The following CDH4 variants were observed in gnomAD, a reference collection of about 807,000 sequenced individuals.
The protein encoded by CDH4 is cadherin-4.
A neutral mutation model predicts 86.0 loss-of-function variants in CDH4; 33 were observed. The ratio of observed to expected loss-of-function variants is 0.38; its 90% CI spans 0.29 to 0.51. The LOEUF is 0.51. CDH4 is among the 20% of genes least tolerant of loss of function. The pLI is 0.86. For missense variants in CDH4, 1,114 were observed against 1,307.4 expected (o/e 0.85, Z 2.28); for synonymous variants, 555 against 549.4 (o/e 1.01, Z -0.14).
At position 61,934,108 on chromosome 20, in the gene CDH4, G is replaced by A. The variant is rs762296255; in HGVS notation, c.2432G>A (p.Ser811Asn). Reference protein sequence around the residue: ...QQPEAMGHVPSKAPGVRRVDE... With the variant: ...QQPEAMGHVPNKAPGVRRVDE... ...CCGGAAGCCATGGGGCACGTGCCAA[G>A]CAAAGCCCCTGGCGTGCGTCGCGTG... The change falls in exon 15 of 16, where the codon AGC (serine) becomes AAC (asparagine). Residue 811 changes from serine (S) to asparagine (N), a missense_variant. Around this residue, in one of 3 missense-constraint regions of CDH4, gnomAD observed 188 missense variants for 183.8 expected, o/e 1.02. Coordinates refer to ENST00000614565, the MANE Select transcript of CDH4 (RefSeq NM_001794.5). 2.7e-5 allele frequency: 44 copies of A among 1,611,410 alleles called. No homozygotes were observed. Among genetic ancestry groups the A allele is most frequent in the Non-Finnish European group, 3.6e-5 (43 of 1,179,840 alleles).
At chr20:61,651,475 G>T (rs116247275) in intron 2 of CDH4, among the ~76,000 whole-genome samples, 2,718 of 152,290 alleles carry the variant, frequency 0.018, 32 homozygotes, top group African/African-American at 0.031. Flanking sequence ...CCTTATGACC[G>T]GCAGCCTGTT....
chr20:61,647,057 G>A (rs1045101531), intron 2 of CDH4, among the ~76,000 whole-genome samples: 8 of 152,200 alleles, frequency 5.3e-5, no homozygotes, highest in Non-Finnish European at 1.2e-4. Flanking sequence ...GCAAAATTGA[G>A]CACAGGATGC....
At chr20:61,781,382 C>A (rs1216104877) in intron 4 of CDH4, among the ~76,000 whole-genome samples, 1 of 151,686 alleles carries the variant, frequency 6.6e-6, no homozygotes, top group Non-Finnish European at 1.5e-5. Context: ...GTTCAAGGGT[C>A]AGAATAGATG....
chr20:61,907,703 C>T (rs1467893457), intron 8 of CDH4, among the ~76,000 whole-genome samples: 1 of 152,206 alleles, frequency 6.6e-6, no homozygotes, highest in African/African-American at 2.4e-5. Flanking sequence ...GTCAGCGTCT[C>T]CAGGCCTCCC....
At chr20:61,499,199 C>T (rs1475770339) in intron 2 of CDH4, among the ~76,000 whole-genome samples, 3 of 152,196 alleles carry the variant, frequency 2.0e-5, no homozygotes, top group Non-Finnish European at 4.4e-5. Context: ...CTCCTGGAGC[C>T]CTGGTTGCGG....
At chr20:61,796,623 G>T (rs1766123079) in intron 4 of CDH4, among the ~76,000 whole-genome samples, 1 of 152,192 alleles carries the variant, frequency 6.6e-6, no homozygotes, top group Non-Finnish European at 1.5e-5. Flanking sequence ...GGCCACCCCT[G>T]GGGTGTGGTT....
chr20:61,431,079 T>C (rs1191761278), intron 2 of CDH4, among the ~76,000 whole-genome samples: 2 of 152,226 alleles, frequency 1.3e-5, no homozygotes, highest in Admixed American at 6.5e-5. Context: ...GCATGCTGGC[T>C]CTGTGTATGC....
At chr20:61,602,107 GGCTGCTGGCGAT>G (rs1187753147) in intron 2 of CDH4, among the ~76,000 whole-genome samples, 3 of 152,162 alleles carry the variant, frequency 2.0e-5, no homozygotes, top group Non-Finnish European at 4.4e-5. Context: ...CCATACTGGG[GGCTGCTGGCGAT>G]GCTTTCTGGT....
At chr20:61,871,571 T>C (rs573075706) in intron 6 of CDH4, among the ~76,000 whole-genome samples, 1 of 152,194 alleles carries the variant, frequency 6.6e-6, no homozygotes, top group Non-Finnish European at 1.5e-5. Flanking sequence ...ACTTCAGGGT[T>C]TTCCTCTTAG....
intron 3 of CDH4, among the ~76,000 whole-genome samples, chr20:61,745,665 G>C (rs952430855): frequency 1.3e-5 from 2 of 152,102 alleles, no homozygotes; most frequent in Admixed American, 6.5e-5. Context: ...GGTGAGCAAG[G>C]CAGGCCCTTG....
chr20:61,777,718 G>A lies in CDH4; in HGVS notation c.576+4536G>A, dbSNP rs1187436931. Reference sequence around the variant, plus strand: ...TGCATACAAAAACACACACCCACATGCGTGCACACGTGCATACAAAAACAC... The same window carrying A: ...TGCATACAAAAACACACACCCACATACGTGCACACGTGCATACAAAAACAC... On this transcript the variant is annotated intron_variant, in intron 4 of 15. Transcript: ENST00000614565. Among the ~76,000 whole-genome samples, 5 of 143,886 alleles carry A rather than the reference G, an allele frequency of 3.5e-5. 1 individual carries two copies. Among genetic ancestry groups the A allele is most frequent in the Non-Finnish European group, 6.0e-5 (4 of 66,368 alleles). The allele number at this position is 143,886 out of a possible 152,430, so 94.4% of individuals were successfully genotyped here. A position where few individuals can be genotyped will look rare whatever the true frequency, so the allele number is the denominator to read the frequency against.
At chr20:61,900,606 C>G (rs990326856) in intron 8 of CDH4, among the ~76,000 whole-genome samples, 2 of 152,226 alleles carry the variant, frequency 1.3e-5, no homozygotes, top group South Asian at 4.1e-4. Context: ...AAGCCCAAGG[C>G]AGAGACACAC....
chr20:61,271,389 A>G (rs1010784512), intron 2 of CDH4, among the ~76,000 whole-genome samples: 43 of 152,208 alleles, frequency 2.8e-4, no homozygotes, highest in African/African-American at 9.6e-4. Flanking sequence ...AATCCAGCCC[A>G]TTGACAATGG....
intron 2 of CDH4, among the ~76,000 whole-genome samples, chr20:61,376,153 T>C (rs2084871528): frequency 6.9e-6 from 1 of 145,868 alleles, no homozygotes; most frequent in South Asian, 2.2e-4. Flanking sequence ...GCAAATGTGC[T>C]CAAGATGGTG....
chr20:61,854,416 CTG>C, intron 6 of CDH4, among the ~76,000 whole-genome samples: 1 of 151,848 alleles, frequency 6.6e-6, no homozygotes, highest in East Asian at 1.9e-4. Context: ...CACTCTTGGC[CTG>C]CCCCAGGGCT....
chr20:61,430,599 A>G (rs577252780), intron 2 of CDH4, among the ~76,000 whole-genome samples: 129 of 152,248 alleles, frequency 8.5e-4, no homozygotes, highest in Admixed American at 1.5e-3. Flanking sequence ...TTCTGAATCA[A>G]CACTGCAATG....
chr20:61,809,122 C>T (rs548028338), intron 4 of CDH4, among the ~76,000 whole-genome samples: 114 of 152,330 alleles, frequency 7.5e-4, no homozygotes, highest in African/African-American at 2.6e-3. Flanking sequence ...GGACCCAGAC[C>T]TTTGATTGGG....
At chr20:61,465,997 C>T (rs2085469788) in intron 2 of CDH4, among the ~76,000 whole-genome samples, 1 of 151,958 alleles carries the variant, frequency 6.6e-6, no homozygotes, top group Admixed American at 6.6e-5. Flanking sequence ...AATGGCCAGG[C>T]AATGAGATTA....
Position 61,565,330 on chromosome 20 carries a change from GA to G in CDH4, c.170-178232del, listed in dbSNP as rs1568689060. Among the ~76,000 whole-genome samples the G allele has an allele frequency of 1.3e-4, 10 of 77,030 alleles. 3 individuals carry two copies. Among genetic ancestry groups the G allele is most frequent in the Admixed American group, 3.9e-4 (3 of 7,678 alleles). 50.5% of individuals were successfully genotyped at this position (77,030 alleles called of 152,430 possible). On this transcript the variant is annotated intron_variant, in intron 2 of 15. Transcript: ENST00000614565. ...TCTTGGTGGTGGCGGTGCTCTTGGT[GA>G]TGGTGGTAGTGGTCCTCTTGGTGAT...
Sources: allele counts gnomAD v4.1 joint callset (sites outside exome capture counted in the v4.1 genomes callset), GRCh38; gene constraint gnomAD v4.1.1; regional missense constraint gnomAD v4.1.1; transcripts MANE v1.5; gene names NCBI Gene and HGNC (gene_info 2026-07-23, HGNC 2026-07-21).